KIAA0232: variants seen among roughly 807,000 people sequenced by gnomAD.
KIAA0232 encodes the protein KIAA0232, also known as uncharacterized protein KIAA0232.
A neutral mutation model predicts 122.0 loss-of-function variants in KIAA0232; 27 were observed. The ratio of observed to expected loss-of-function variants is 0.22; its 90% CI spans 0.16 to 0.31. The LOEUF is 0.31. Among genes scored for constraint, KIAA0232 ranks in the 10% least tolerant of loss-of-function variants. The probability of loss-of-function intolerance (pLI) is 1.00; values close to 1 mark genes in which losing one functional copy is unlikely to be tolerated. For missense variants in KIAA0232, 1,551 were observed against 1,634.2 expected (o/e 0.95, Z 0.88); for synonymous variants, 613 against 587.6 (o/e 1.04, Z -0.63).
Position 6,862,660 on chromosome 4 carries a change from G to C in KIAA0232, c.2278G>C (p.Asp760His). Reference protein sequence around the residue: ...SSNYVDEELLDFLQDETCQQN... With the variant: ...SSNYVDEELLHFLQDETCQQN... ...AAATTATGTAGATGAAGAACTTCTA[G>C]ATTTTTTGCAAGATGAAACTTGCCA... is the stretch of plus-strand genomic sequence containing the variant. Residue 760 changes from aspartate to histidine, a missense_variant, in exon 7 of 10, where the codon GAT (aspartate) becomes CAT (histidine). Physicochemically the swap from Asp to His is moderately conservative, Grantham distance 81. Coordinates refer to ENST00000307659, the MANE Select transcript of KIAA0232 (RefSeq NM_014743.3). 6.2e-7 allele frequency: 1 copy of C among 1,611,708 alleles called. No homozygotes were observed. The highest frequency in any genetic ancestry group is 8.5e-7 in the Non-Finnish European group (1 of 1,179,444).
Position 6,863,683 on chromosome 4 carries a change from C to A in KIAA0232, c.3301C>A (p.Arg1101=), listed in dbSNP as rs534729872. The A allele has an allele frequency of 2.5e-6, 4 of 1,614,160 alleles. No homozygotes were observed. The South Asian group carries it at 3.3e-5, about 13-fold the overall frequency. ...TGACAGAACACAATACAGGGCTATT[C>A]GGATCTCTCCTCGGACTCACTTTCG... is the stretch of plus-strand genomic sequence containing the variant. ...GVDRTQYRAI[R]ISPRTHFRPI... Residue 1101 remains arginine (R), a synonymous_variant, in exon 7 of 10, where the codon CGG becomes AGG. Transcript: ENST00000307659.
At chr4:6,822,030 A>G (rs540395985) in intron 2 of KIAA0232, among the ~76,000 whole-genome samples, 18 of 152,110 alleles carry the variant, frequency 1.2e-4, no homozygotes, top group African/African-American at 4.3e-4. Context: ...TTTTCTGTTT[A>G]TGACAAGTTT....
intron 3 of KIAA0232, among the ~76,000 whole-genome samples, chr4:6,839,181 T>C (rs1160800684): frequency 6.6e-6 from 1 of 152,228 alleles, no homozygotes; most frequent in Non-Finnish European, 1.5e-5. Flanking sequence ...AGGAATGACA[T>C]TGATTAATAA....
chr4:6,824,735 T>C (rs1234029482), intron 3 of KIAA0232, 51 bp downstream of exon 3: 1 of 1,466,770 alleles, frequency 6.8e-7, no homozygotes, highest in African/African-American at 1.4e-5. Context: ...TCTGTATGTA[T>C]ACATTCCTCT....
chr4:6,838,406 C>G (rs1028764863), intron 3 of KIAA0232, among the ~76,000 whole-genome samples: 1 of 152,110 alleles, frequency 6.6e-6, no homozygotes, highest in African/African-American at 2.4e-5. Context: ...CCAGGCTGTT[C>G]TCAAACTCCT....
rs1406966006 is a variant in KIAA0232, at chr4:6,855,524, AT to A, written c.370-1639del. Among the ~76,000 whole-genome samples the A allele has an allele frequency of 3.9e-5, 6 of 152,196 alleles. No homozygotes were observed. The highest frequency in any genetic ancestry group is 7.3e-5 in the Non-Finnish European group (5 of 68,040). On this transcript the variant is annotated intron_variant, in intron 4 of 9. Transcript: ENST00000307659. This position sits in a 1 kb window ranked among gnomAD's most constrained non-coding sequence, Gnocchi z 4.3. Reference sequence around the variant, plus strand: ...CTGTTTAAACATGAGAGCAAAAAAAATATATGTTTATATATGACAGCAAATA... The same window carrying A: ...CTGTTTAAACATGAGAGCAAAAAAAAATATGTTTATATATGACAGCAAATA...
rs139832103 is a variant in KIAA0232, at chr4:6,794,573, C to T, written c.-353-9950C>T. ...CAGAGCAAAAGATGGGGTGTTGCAT[C>T]GTATGTGGTGGACAGGGAAAGCCTC... On this transcript the variant is annotated intron_variant, in intron 1 of 9. Coordinates refer to ENST00000307659, the MANE Select transcript of KIAA0232 (RefSeq NM_014743.3). 7.2e-5 allele frequency among the ~76,000 whole-genome samples: 11 copies of T among 152,220 alleles called. 1 individual carries two copies. In the East Asian group the frequency reaches 1.9e-3, roughly 27 times the overall value.
chr4:6,838,742 T>C (rs1432622782), intron 3 of KIAA0232, among the ~76,000 whole-genome samples: 2 of 151,834 alleles, frequency 1.3e-5, no homozygotes, highest in African/African-American at 4.8e-5. Context: ...TTTTTTTTTT[T>C]TTTTTTTGAG....
chr4:6,810,873 A>G (rs1717846169), intron 2 of KIAA0232, among the ~76,000 whole-genome samples: 1 of 152,222 alleles, frequency 6.6e-6, no homozygotes, highest in Non-Finnish European at 1.5e-5. Flanking sequence ...AACCAAAACC[A>G]GAATGAGATG....
intron 1 of KIAA0232, among the ~76,000 whole-genome samples, chr4:6,783,787 T>C (rs1408665426): frequency 3.9e-5 from 6 of 152,154 alleles, no homozygotes; most frequent in Non-Finnish European, 7.4e-5. Flanking sequence ...CAGTCATCCG[T>C]GCGCTGCGCG....
intron 2 of KIAA0232, among the ~76,000 whole-genome samples, chr4:6,813,443 A>G (rs892246386): frequency 2.6e-5 from 4 of 151,976 alleles, no homozygotes; most frequent in African/African-American, 9.7e-5. Flanking sequence ...GCTCACTGCA[A>G]GCTCTGCCTC....
chr4:6,815,273 C>T (rs141673392), intron 2 of KIAA0232, among the ~76,000 whole-genome samples: 4 of 152,242 alleles, frequency 2.6e-5, no homozygotes, highest in African/African-American at 4.8e-5. Flanking sequence ...ACCCTCAGTG[C>T]TGTGACCATT....
At chr4:6,846,100 T>TAAAAA (rs34790054) in intron 4 of KIAA0232, among the ~76,000 whole-genome samples, 1 of 149,820 alleles carries the variant, frequency 6.7e-6, no homozygotes, top group African/African-American at 2.5e-5. Flanking sequence ...TCATTTTATT[T>TAAAAA]AAAAAAAAAA....
At chr4:6,789,332 G>C (rs967663333) in intron 1 of KIAA0232, among the ~76,000 whole-genome samples, 1 of 149,584 alleles carries the variant, frequency 6.7e-6, no homozygotes, top group Non-Finnish European at 1.5e-5. Context: ...GGAGTATAGT[G>C]GCGTGATCTT....
Position 6,876,704 on chromosome 4 carries a change from C to T in KIAA0232, c.3955C>T (p.Pro1319Ser). The change falls in exon 9 of 10, where the codon CCA becomes TCA. Residue 1319 changes from proline to serine, a missense_variant. Pro to Ser is a moderately conservative substitution (Grantham distance 74). Coordinates refer to ENST00000307659, the MANE Select transcript of KIAA0232 (RefSeq NM_014743.3). ...AKGESGLEEY[P>S]DAKETPSNEE... ...GGGAGAGAGTGGTTTAGAAGAATAT[C>T]CAGATGCTAAAGAGACACCCAGTAA... 6.2e-7 allele frequency: 1 copy of T among 1,613,262 alleles called. No homozygotes were observed. Among genetic ancestry groups the T allele is most frequent in the Non-Finnish European group, 8.5e-7 (1 of 1,179,284 alleles).
chr4:6,855,429 A>G lies in KIAA0232; in HGVS notation c.370-1735A>G, dbSNP rs1213095470. 6.6e-6 allele frequency among the ~76,000 whole-genome samples: 1 copy of G among 152,168 alleles called. No individual in the cohort carries two copies. The highest frequency in any genetic ancestry group is 2.4e-5 in the African/African-American group (1 of 41,436). On this transcript the variant is annotated intron_variant, in intron 4 of 9. Coordinates refer to ENST00000307659, the MANE Select transcript of KIAA0232 (RefSeq NM_014743.3). This position sits in a 1 kb window ranked among gnomAD's most constrained non-coding sequence, Gnocchi z 4.3. ...ATATAAGATGCTACAGGTAGTCAAG[A>G]AAAGAACAGAAAAACCTGGTTGGTA...
chr4:6,851,228 G>A (rs552683691), intron 4 of KIAA0232, among the ~76,000 whole-genome samples: 5 of 152,296 alleles, frequency 3.3e-5, no homozygotes, highest in South Asian at 4.1e-4. Context: ...ACTGGTCTAA[G>A]TTGTGACTAT....
chr4:6,877,291 T>A (rs1307757008), intron 9 of KIAA0232, among the ~76,000 whole-genome samples: 1 of 152,204 alleles, frequency 6.6e-6, no homozygotes, highest in East Asian at 1.9e-4. Context: ...TTTCTGCATG[T>A]CTGCCTCTTC....
intron 7 of KIAA0232, among the ~76,000 whole-genome samples, 172 bp from the exon 8 acceptor site, chr4:6,871,402 C>G (rs1721475995): frequency 6.6e-6 from 1 of 152,156 alleles, no homozygotes; most frequent in Non-Finnish European, 1.5e-5. Context: ...CCACTACACT[C>G]CAGCCTGAGT....
Sources: allele counts gnomAD v4.1 joint callset (sites outside exome capture counted in the v4.1 genomes callset), GRCh38; gene constraint gnomAD v4.1.1; non-coding constraint Gnocchi (gnomAD v3.1); transcripts MANE v1.5; gene names NCBI Gene and HGNC (gene_info 2026-07-23, HGNC 2026-07-21).